Variants in SUFU observed in about 807,000 individuals in gnomAD.
The protein encoded by SUFU is suppressor of fused homolog.
In SUFU, 7 loss-of-function variants were observed where a neutral mutation model predicts 58.9. That is an observed-to-expected ratio of 0.12 (90% CI 0.07 to 0.22). The LOEUF is 0.22. SUFU is among the 10% of genes least tolerant of loss of function. The probability of loss-of-function intolerance (pLI) is 1.00; values close to 1 mark genes in which losing one functional copy is unlikely to be tolerated. For missense variants in SUFU, 451 were observed against 641.3 expected, an observed-to-expected ratio of 0.70 and a Z score of 3.20; for synonymous variants, 232 against 254.8, an observed-to-expected ratio of 0.91 and a Z score of 0.85.
intron 3 of SUFU, among the ~76,000 whole-genome samples, chr10:102,561,667 C>CTT (rs34738568): frequency 0.32 from 34,855 of 110,534 alleles, 6,325 homozygotes; most frequent in Non-Finnish European, 0.33. Flanking sequence ...GACCAGCAAG[C>CTT]TTTTTTTTTT....
chr10:102,519,280 T>C (rs1234351367), intron 2 of SUFU, among the ~76,000 whole-genome samples: 1 of 151,576 alleles, frequency 6.6e-6, no homozygotes, highest in African/African-American at 2.4e-5. Context: ...ATCCCAGCAC[T>C]TTGGGAGGCT....
At chr10:102,596,252 A>G (rs1340354711) in intron 6 of SUFU, among the ~76,000 whole-genome samples, 1 of 152,148 alleles carries the variant, frequency 6.6e-6, no homozygotes, top group East Asian at 1.9e-4. Context: ...TGGAGCCGGG[A>G]AGCACAGATT....
intron 2 of SUFU, among the ~76,000 whole-genome samples, chr10:102,510,977 C>G (rs1430014844): frequency 6.6e-6 from 1 of 151,252 alleles, no homozygotes; most frequent in Non-Finnish European, 1.5e-5. Flanking sequence ...TAAAATTAGC[C>G]GGGCGTGGTG....
At chr10:102,599,263 C>T (rs2063493010) in intron 7 of SUFU, among the ~76,000 whole-genome samples, 170 bp from the exon 8 acceptor site, 1 of 152,208 alleles carries the variant, frequency 6.6e-6, no homozygotes, top group African/African-American at 2.4e-5. Flanking sequence ...GCGGTTGTCC[C>T]CTCGCAATCT....
chr10:102,533,637 T>C (rs11191320), intron 2 of SUFU, among the ~76,000 whole-genome samples: 46,351 of 151,926 alleles, frequency 0.31, 7,354 homozygotes, highest in Admixed American at 0.36. Flanking sequence ...CTAGAGGCCA[T>C]GTCCATTCCT....
intron 3 of SUFU, among the ~76,000 whole-genome samples, chr10:102,564,480 G>T (rs905529253): frequency 2.6e-5 from 4 of 152,050 alleles, no homozygotes; most frequent in African/African-American, 9.7e-5. Context: ...TTACAGGCGT[G>T]CACCACCACA....
intron 3 of SUFU, among the ~76,000 whole-genome samples, chr10:102,569,856 C>A (rs1175670205): frequency 6.6e-6 from 1 of 152,072 alleles, no homozygotes; most frequent in Non-Finnish European, 1.5e-5. Flanking sequence ...TCAAAACTGT[C>A]CATCTATGAG....
chr10:102,602,717 G>T (rs911222801), intron 8 of SUFU, among the ~76,000 whole-genome samples: 5 of 152,108 alleles, frequency 3.3e-5, no homozygotes, highest in Non-Finnish European at 7.4e-5. Flanking sequence ...TTCCAGAAAG[G>T]CAGGCCCCCT....
intron 3 of SUFU, among the ~76,000 whole-genome samples, chr10:102,551,034 C>T (rs375245117): frequency 3.3e-5 from 5 of 152,256 alleles, no homozygotes; most frequent in African/African-American, 9.6e-5. Flanking sequence ...TGGGCCACCG[C>T]GCCTGGCCAG....
intron 2 of SUFU, among the ~76,000 whole-genome samples, chr10:102,524,524 C>T (rs1175044084): frequency 6.6e-6 from 1 of 151,944 alleles, no homozygotes; most frequent in Non-Finnish European, 1.5e-5. Flanking sequence ...CGGGGTTTCA[C>T]CATGTTGGCC....
At chr10:102,547,033 G>A (rs928519011) in intron 2 of SUFU, among the ~76,000 whole-genome samples, 1 of 152,238 alleles carries the variant, frequency 6.6e-6, no homozygotes, top group African/African-American at 2.4e-5. Flanking sequence ...GCATTTGAGG[G>A]TTCTTCCCAT....
intron 3 of SUFU, among the ~76,000 whole-genome samples, chr10:102,553,098 C>A (rs1344663282): frequency 1.3e-5 from 2 of 152,168 alleles, no homozygotes; most frequent in Non-Finnish European, 2.9e-5. Flanking sequence ...GGTGACTACA[C>A]TCCTAAAAGT....
chr10:102,513,397 A>G (rs956980021), intron 2 of SUFU, among the ~76,000 whole-genome samples: 1 of 152,218 alleles, frequency 6.6e-6, no homozygotes, highest in African/African-American at 2.4e-5. Context: ...GAGCAGAAGC[A>G]TTGATTCATT....
chr10:102,515,257 C>T (rs2062452899), intron 2 of SUFU, among the ~76,000 whole-genome samples: 2 of 152,098 alleles, frequency 1.3e-5, no homozygotes, highest in Admixed American at 1.3e-4. Context: ...AGTGTGGCCT[C>T]CGTCTCCTGC....
chr10:102,513,429 G>A (rs1345528082), intron 2 of SUFU, among the ~76,000 whole-genome samples: 1 of 152,218 alleles, frequency 6.6e-6, no homozygotes, highest in African/African-American at 2.4e-5. Context: ...CATTCATCAA[G>A]CACCTACTTT....
At position 102,617,717 on chromosome 10, in the gene SUFU, T is replaced by C. The variant is rs74462634; in HGVS notation, c.1296+289T>C. On this transcript the variant is annotated intron_variant, in intron 10 of 11. Transcript: ENST00000369902. This position sits in a 1 kb window ranked among gnomAD's most constrained non-coding sequence, Gnocchi z 4.4. Reference sequence around the variant, plus strand: ...TTCTGGTTCCCCGTGGAAATCCAGGTTGGAGGGATATAAGACTTTCTGCAC... The same window carrying C: ...TTCTGGTTCCCCGTGGAAATCCAGGCTGGAGGGATATAAGACTTTCTGCAC... The C allele has an allele frequency of 1.3e-5, 8 of 597,644 alleles. No individual in the cohort carries two copies. The East Asian group carries it at 2.2e-4, about 17-fold the overall frequency. 37.0% of individuals were successfully genotyped at this position (597,644 alleles called of 1,614,324 possible).
intron 2 of SUFU, among the ~76,000 whole-genome samples, chr10:102,518,519 GTCTATCTA>G (rs376596356): frequency 7.8e-4 from 115 of 147,228 alleles, no homozygotes; most frequent in Middle Eastern, 6.9e-3. Context: ...CTGTCTGTCT[GTCTATCTA>G]TCTATCTATC....
intron 2 of SUFU, among the ~76,000 whole-genome samples, chr10:102,527,023 G>T (rs2062616617): frequency 7.8e-6 from 1 of 128,454 alleles, no homozygotes; most frequent in Non-Finnish European, 1.6e-5. Context: ...TTGAGATGGA[G>T]TCTCGCTCTG....
rs189250246 is a variant in SUFU at position 102,590,592 on chromosome 10, A to G, written c.455-1990A>G. 3.3e-5 allele frequency among the ~76,000 whole-genome samples: 5 copies of G among 152,190 alleles called. No homozygotes were observed. The East Asian group carries it at 9.6e-4, about 29-fold the overall frequency. On this transcript the variant is annotated intron_variant, in intron 3 of 11. Coordinates refer to ENST00000369902, the MANE Select transcript of SUFU (RefSeq NM_016169.4). Reference sequence around the variant, plus strand: ...TTCTTGTCTTACCTTTGCTTTTCATATCATGGTAATACTGGTTTCATAGAA... The same window carrying G: ...TTCTTGTCTTACCTTTGCTTTTCATGTCATGGTAATACTGGTTTCATAGAA...
Sources: gnomAD v4.1 joint callset for allele counts (sites outside exome capture counted in the v4.1 genomes callset) on GRCh38, gnomAD v4.1.1 for gene constraint, Gnocchi (gnomAD v3.1) non-coding constraint, MANE v1.5 for transcripts, NCBI Gene and HGNC (gene_info 2026-07-23, HGNC 2026-07-21) for gene names.